BNC2: variants seen among roughly 807,000 people sequenced by gnomAD.
The protein encoded by BNC2 is basonuclin zinc finger protein 2.
A neutral mutation model predicts 76.3 loss-of-function variants in BNC2; 20 were observed. The ratio of observed to expected loss-of-function variants is 0.26; its 90% confidence interval spans 0.18 to 0.38. BNC2 has a LOEUF of 0.38. Ranked by LOEUF, BNC2 falls within the 10% of genes least tolerant of loss-of-function variation. The pLI, the probability that BNC2 is intolerant of heterozygous loss-of-function variation, is 1.00. For synonymous variants in BNC2, 582 were observed against 514.8 expected, an observed-to-expected ratio of 1.13 and a Z score of -1.77; for missense variants, 1,382 against 1,399.8, an observed-to-expected ratio of 0.99 and a Z score of 0.20.
At chr9:16,856,631 G>A (rs1819265218) in intron 1 of BNC2, among the ~76,000 whole-genome samples, 1 of 152,122 alleles carries the variant, frequency 6.6e-6, no homozygotes, top group African/African-American at 2.4e-5. Context: ...TATGGCTCCA[G>A]ACCTGGTAGA....
At chr9:16,523,396 G>T (rs529769713) in intron 5 of BNC2, among the ~76,000 whole-genome samples, 1 of 149,870 alleles carries the variant, frequency 6.7e-6, no homozygotes, top group Non-Finnish European at 1.5e-5. Context: ...GCATGAACCC[G>T]GGAGGCGGAG....
At chr9:16,702,244 A>C (rs1823536645) in intron 3 of BNC2, among the ~76,000 whole-genome samples, 1 of 152,200 alleles carries the variant, frequency 6.6e-6, no homozygotes. Flanking sequence ...AGATTTTCAC[A>C]AAACCAGGGA....
chr9:16,775,554 T>C (rs1364880596), intron 1 of BNC2: 2 of 155,270 alleles, frequency 1.3e-5, no homozygotes, highest in African/African-American at 2.4e-5. Flanking sequence ...TCAAGAGCAA[T>C]AGCTTCTGAG....
At chr9:16,768,508 T>G (rs1350952210) in intron 1 of BNC2, among the ~76,000 whole-genome samples, 1 of 152,122 alleles carries the variant, frequency 6.6e-6, no homozygotes, top group Non-Finnish European at 1.5e-5. Context: ...GTGTTTAGTT[T>G]GGGATATGTT....
intron 4 of BNC2, among the ~76,000 whole-genome samples, chr9:16,558,049 T>C (rs1319024538): frequency 6.6e-6 from 1 of 152,184 alleles, no homozygotes; most frequent in Non-Finnish European, 1.5e-5. Context: ...GGTTTCCCCA[T>C]GTTGTTCAGC....
At chr9:16,590,885 CTAAT>C (rs1424529147) in intron 3 of BNC2, among the ~76,000 whole-genome samples, 5 of 152,130 alleles carry the variant, frequency 3.3e-5, no homozygotes, top group Non-Finnish European at 7.4e-5. Context: ...AATCTGAAAG[CTAAT>C]TATTCCAGGA....
At chr9:16,851,322 G>A (rs4961422) in intron 1 of BNC2, among the ~76,000 whole-genome samples, 19,129 of 151,524 alleles carry the variant, frequency 0.13, 2,171 homozygotes, top group East Asian at 0.54. Context: ...AGCCTGGGCA[G>A]CATAGTGAGA....
At chr9:16,557,098 G>C (rs1278955654) in intron 4 of BNC2, among the ~76,000 whole-genome samples, 2 of 152,088 alleles carry the variant, frequency 1.3e-5, no homozygotes, top group Non-Finnish European at 2.9e-5. Context: ...GGAAAAGGTA[G>C]GTCAAGAACT....
chr9:16,475,444 T>C lies in BNC2; in HGVS notation c.670-37920A>G, dbSNP rs552274955. Among the ~76,000 whole-genome samples, 18 of 151,664 alleles carry C rather than the reference T, an allele frequency of 1.2e-4. No homozygotes were observed. In the East Asian group the frequency reaches 3.3e-3, roughly 28 times the overall value. On this transcript the variant is annotated intron_variant, in intron 5 of 6. Coordinates refer to ENST00000380672, the MANE Select transcript of BNC2 (RefSeq NM_017637.6). Reference sequence around the variant, plus strand: ...GTGATTACAGCCATTATTGACATAATGCCAGGAAGACGCAAAACCATTAGC... The same window carrying C: ...GTGATTACAGCCATTATTGACATAACGCCAGGAAGACGCAAAACCATTAGC...
intron 1 of BNC2, among the ~76,000 whole-genome samples, chr9:16,766,608 A>G (rs762547631): frequency 6.6e-6 from 1 of 152,184 alleles, no homozygotes; most frequent in Non-Finnish European, 1.5e-5. Context: ...CATGCAAAAT[A>G]ATTTCATGTG....
chr9:16,834,808 GAGAT>G (rs1316886883), intron 1 of BNC2, among the ~76,000 whole-genome samples: 4 of 152,026 alleles, frequency 2.6e-5, no homozygotes, highest in Admixed American at 6.6e-5. Flanking sequence ...AATGGATTAA[GAGAT>G]AGTGCAGTAT....
intron 5 of BNC2, among the ~76,000 whole-genome samples, chr9:16,499,750 T>C (rs765059894): frequency 2.4e-4 from 37 of 151,834 alleles, no homozygotes; most frequent in Non-Finnish European, 4.6e-4. Flanking sequence ...AGGAGGGTCT[T>C]GAACTCCTGA....
chr9:16,868,948 C>T (rs1334375046), intron 1 of BNC2, among the ~76,000 whole-genome samples: 9 of 152,130 alleles, frequency 5.9e-5, no homozygotes, highest in Non-Finnish European at 1.2e-4. Flanking sequence ...GACAGTAACA[C>T]GTGAAATTGC....
intron 1 of BNC2, among the ~76,000 whole-genome samples, chr9:16,862,553 C>T (rs1336200704): frequency 6.6e-6 from 1 of 152,162 alleles, no homozygotes; most frequent in East Asian, 1.9e-4. Flanking sequence ...GGCAACAGTA[C>T]AACTGCCTTC....
Position 16,845,277 on chromosome 9 carries a change from T to G in BNC2, c.3+25369A>C, listed in dbSNP as rs191032817. ...AAAATTCTAAGAGAAATGGGCATTTTTTTAAAATGGAGGGAGTTTTTAATT... is the reference window on the plus strand; with the variant it reads ...AAAATTCTAAGAGAAATGGGCATTTGTTTAAAATGGAGGGAGTTTTTAATT... On this transcript the variant is annotated intron_variant, in intron 1 of 6. Transcript: ENST00000380672. 2.4e-3 allele frequency among the ~76,000 whole-genome samples: 369 copies of G among 152,072 alleles called. 1 individual carries two copies. The highest frequency in any genetic ancestry group is 8.4e-3 in the African/African-American group (349 of 41,530).
intron 1 of BNC2, among the ~76,000 whole-genome samples, chr9:16,765,438 AC>A (rs1332600460): frequency 1.3e-5 from 2 of 152,210 alleles, no homozygotes; most frequent in African/African-American, 4.8e-5. Context: ...AAACAATATT[AC>A]TCAATATTAT....
intron 5 of BNC2, among the ~76,000 whole-genome samples, chr9:16,454,464 C>T (rs999008149): frequency 6.6e-6 from 1 of 152,084 alleles, no homozygotes; most frequent in African/African-American, 2.4e-5. Context: ...CCACACCCAG[C>T]TAATTTTTTA....
intron 5 of BNC2, among the ~76,000 whole-genome samples, chr9:16,550,665 C>A (rs1382609044): frequency 6.6e-6 from 1 of 152,154 alleles, no homozygotes; most frequent in Non-Finnish European, 1.5e-5. Context: ...GCTTGTGTCT[C>A]TGCGTAGGTA....
chr9:16,858,069 G>A (rs769983414), intron 1 of BNC2, among the ~76,000 whole-genome samples: 1 of 152,166 alleles, frequency 6.6e-6, no homozygotes, highest in Non-Finnish European at 1.5e-5. Flanking sequence ...CACTGGACCA[G>A]TTATTTTGGG....
Sources: allele counts gnomAD v4.1 joint callset (sites outside exome capture counted in the v4.1 genomes callset), GRCh38; gene constraint gnomAD v4.1.1; transcripts MANE v1.5; gene names NCBI Gene and HGNC (gene_info 2026-07-23, HGNC 2026-07-21).